Variants in ITGA9 observed in about 807,000 individuals in gnomAD.
ITGA9 encodes the protein integrin subunit alpha 9.
In ITGA9, 56 loss-of-function variants were observed where a neutral mutation model predicts 127.8. The observed-to-expected ratio is 0.44, with a 90% confidence interval of 0.35 to 0.55. ITGA9 has a LOEUF of 0.55. ITGA9 is among the 20% of genes least tolerant of loss of function. The pLI is 0.00. For synonymous variants in ITGA9, 508 were observed against 514.5 expected, an observed-to-expected ratio of 0.99 and a Z score of 0.17; for missense variants, 1,196 against 1,347.1, an observed-to-expected ratio of 0.89 and a Z score of 1.76.
At chr3:37,523,454 C>A in intron 11 of ITGA9, 67 bp from the exon 12 acceptor site, 4 of 1,180,784 alleles carry the variant, frequency 3.4e-6, no homozygotes, top group South Asian at 2.4e-5. Flanking sequence ...TGGAATAAAG[C>A]AGTCACAGTT....
intron 15 of ITGA9, among the ~76,000 whole-genome samples, chr3:37,592,195 A>G (rs75125950): frequency 1.3e-5 from 2 of 152,172 alleles, no homozygotes; most frequent in East Asian, 1.9e-4. Context: ...GAAAAAGGTA[A>G]CCCTGTGTAT....
chr3:37,461,290 C>T (rs1698314001), intron 1 of ITGA9, among the ~76,000 whole-genome samples: 1 of 152,172 alleles, frequency 6.6e-6, no homozygotes, highest in Non-Finnish European at 1.5e-5. Flanking sequence ...CAGCATTAGC[C>T]CTGCCCTCAG....
At chr3:37,677,250 C>T (rs143543900) in intron 17 of ITGA9, among the ~76,000 whole-genome samples, 1 of 152,300 alleles carries the variant, frequency 6.6e-6, no homozygotes, top group East Asian at 1.9e-4. Context: ...ATTTTTTGCT[C>T]ATATCTCTCA....
At chr3:37,777,595 T>G in intron 24 of ITGA9, 78 bp downstream of exon 24, 2 of 1,515,302 alleles carry the variant, frequency 1.3e-6, no homozygotes, top group Non-Finnish European at 1.8e-6. Flanking sequence ...TGATATTTAT[T>G]ATTTCCTAAA....
At chr3:37,570,900 T>C (rs2125604665) in intron 15 of ITGA9, among the ~76,000 whole-genome samples, 1 of 152,342 alleles carries the variant, frequency 6.6e-6, no homozygotes, top group Non-Finnish European at 1.5e-5. Context: ...ATGAGGCTGT[T>C]TGTATTGCAC....
chr3:37,526,009 A>G lies in ITGA9; in HGVS notation c.1328-17A>G, dbSNP rs762074541. 8 of 1,613,372 alleles carry G rather than the reference A, an allele frequency of 5.0e-6. No homozygotes were observed. The South Asian group carries it at 8.8e-5, about 18-fold the overall frequency. On this transcript the variant is annotated splice_polypyrimidine_tract_variant and intron_variant, in intron 12 of 27. Coordinates refer to ENST00000264741, the MANE Select transcript of ITGA9 (RefSeq NM_002207.3). Reference sequence around the variant, plus strand: ...GCTTCAGCAAGTTTCTGAACGCTGTAAACTTCTCATTTTCAGATGTCACTG... The same window carrying G: ...GCTTCAGCAAGTTTCTGAACGCTGTGAACTTCTCATTTTCAGATGTCACTG...
At chr3:37,627,519 C>T (rs918792336) in intron 15 of ITGA9, among the ~76,000 whole-genome samples, 11 of 152,206 alleles carry the variant, frequency 7.2e-5, no homozygotes, top group Non-Finnish European at 1.5e-4. Flanking sequence ...GGACTACCAC[C>T]GCTTACTTGG....
intron 16 of ITGA9, among the ~76,000 whole-genome samples, chr3:37,644,558 G>A (rs1217302953): frequency 1.3e-5 from 2 of 152,150 alleles, no homozygotes; most frequent in African/African-American, 2.4e-5. Flanking sequence ...TGGCAAAACT[G>A]CACTTGTATC....
intron 26 of ITGA9, among the ~76,000 whole-genome samples, chr3:37,786,036 G>T (rs1289670139): frequency 6.6e-6 from 1 of 151,230 alleles, no homozygotes; most frequent in Non-Finnish European, 1.5e-5. Flanking sequence ...GGTTGAGGGG[G>T]GTTCATCCTG....
At chr3:37,748,573 T>A (rs912363159) in intron 22 of ITGA9, 15 of 454,114 alleles carry the variant, frequency 3.3e-5, no homozygotes, top group South Asian at 2.0e-4. Flanking sequence ...CATGGTGAAA[T>A]CCCGTCTCTA....
chr3:37,590,450 A>G lies in ITGA9; in HGVS notation c.1690-38737A>G, dbSNP rs186731327. Among the ~76,000 whole-genome samples the G allele has an allele frequency of 1.5e-3, 227 of 152,308 alleles. 4 individuals carry two copies. Among genetic ancestry groups the G allele is most frequent in the African/African-American group, 5.2e-3 (216 of 41,570 alleles). On this transcript the variant is annotated intron_variant, in intron 15 of 27. Transcript: ENST00000264741. ...GGGCTGGGTTCTTGTTCTCTGACCA[A>G]TTCCCAGTCATGGCTCTCCCATGGG... is the stretch of plus-strand genomic sequence containing the variant.
chr3:37,560,252 T>G (rs1409380193), intron 15 of ITGA9, among the ~76,000 whole-genome samples: 1 of 152,200 alleles, frequency 6.6e-6, no homozygotes, highest in African/African-American at 2.4e-5. Context: ...GTTTTCAGCT[T>G]CATCCGTGTC....
At chr3:37,588,682 A>G (rs1699783381) in intron 15 of ITGA9, among the ~76,000 whole-genome samples, 1 of 152,154 alleles carries the variant, frequency 6.6e-6, no homozygotes, top group Admixed American at 6.5e-5. Context: ...GTTCAGAGTA[A>G]GGGCCCCTCT....
intron 1 of ITGA9, among the ~76,000 whole-genome samples, chr3:37,453,778 AC>A (rs1698227894): frequency 6.6e-6 from 1 of 152,096 alleles, no homozygotes; most frequent in African/African-American, 2.4e-5. Context: ...GGATCGCAGT[AC>A]TCAAGCATTC....
At chr3:37,688,774 C>T (rs1700803559) in intron 18 of ITGA9, among the ~76,000 whole-genome samples, 1 of 152,170 alleles carries the variant, frequency 6.6e-6, no homozygotes. Context: ...GGCTCCTCAC[C>T]TGGCTGCACA....
intron 22 of ITGA9, chr3:37,745,421 G>C (rs918942166): frequency 1.2e-4 from 19 of 152,174 alleles, no homozygotes; most frequent in African/African-American, 4.6e-4. Flanking sequence ...CAGCACCTCT[G>C]CATTTCTGAA....
intron 15 of ITGA9, among the ~76,000 whole-genome samples, chr3:37,622,438 C>G (rs796138155): frequency 2.6e-5 from 4 of 152,154 alleles, no homozygotes; most frequent in African/African-American, 9.6e-5. Context: ...TACTTGGCCT[C>G]AGTTTATTCT....
At chr3:37,489,452 TC>T (rs1336784755) in intron 4 of ITGA9, among the ~76,000 whole-genome samples, 1 of 152,232 alleles carries the variant, frequency 6.6e-6, no homozygotes, top group Non-Finnish European at 1.5e-5. Flanking sequence ...TATTAGGCAT[TC>T]CCTAAAGATC....
In ITGA9 at chr3:37,653,394, CACACAAGCAAA is replaced by C. The variant is rs1700447064; in HGVS notation, c.1840-319_1840-309del. On this transcript the variant is annotated intron_variant, in intron 16 of 27. Transcript: ENST00000264741. ...TCTAAGAGCATCTGAAAGACAGTCT[CACACAAGCAAA>C]GACTGAAAGGACATCCACCACCACG... 3.3e-5 allele frequency among the ~76,000 whole-genome samples: 5 copies of C among 152,296 alleles called. No homozygotes were observed. In the East Asian group the frequency reaches 9.6e-4, roughly 29 times the overall value.
Sources: allele counts gnomAD v4.1 joint callset (sites outside exome capture counted in the v4.1 genomes callset), GRCh38; gene constraint gnomAD v4.1.1; transcripts MANE v1.5; gene names NCBI Gene and HGNC (gene_info 2026-07-23, HGNC 2026-07-21).